Variants in NOX4 observed in about 807,000 individuals in gnomAD.
The protein encoded by NOX4 is NADPH oxidase 4.
NOX4 carries 69 observed loss-of-function variants against 87.6 expected under a neutral mutation model. The observed-to-expected ratio is 0.79, with a 90% CI of 0.65 to 0.96. The LOEUF (loss-of-function observed/expected upper bound fraction) is 0.96, where lower values mean the gene tolerates loss of function less well. NOX4 is among the 40% of genes least tolerant of loss of function. The probability of loss-of-function intolerance (pLI) is 0.00; values close to 1 mark genes in which losing one functional copy is unlikely to be tolerated. For missense variants in NOX4, 680 were observed against 681.5 expected (o/e 1.00, Z 0.02); for synonymous variants, 275 against 238.2 (o/e 1.15, Z -1.42).
At chr11:89,523,291 G>T in the NOX4 span, among the ~76,000 whole-genome samples, 2 of 152,088 alleles carry the variant, frequency 1.3e-5, no homozygotes, top group Non-Finnish European at 2.9e-5. Flanking sequence ...CAAAATGCTG[G>T]GATTACAGGC....
chr11:89,505,704 T>C, the NOX4 span, among the ~76,000 whole-genome samples: 14 of 151,988 alleles, frequency 9.2e-5, no homozygotes, highest in East Asian at 2.5e-3. Context: ...GCTGGATAAT[T>C]TGCTAGTGTA....
chr11:89,349,928 C>A (rs1946386617), intron 13 of NOX4, among the ~76,000 whole-genome samples: 1 of 152,184 alleles, frequency 6.6e-6, no homozygotes, highest in Non-Finnish European at 1.5e-5. Context: ...ACTCTCTAGT[C>A]TACATGTTAT....
chr11:89,555,318 C>CCA, the NOX4 span, among the ~76,000 whole-genome samples: 9 of 151,832 alleles, frequency 5.9e-5, no homozygotes, highest in Admixed American at 2.0e-4. Context: ...GACCTCATCT[C>CCA]CACACACACA....
chr11:89,460,078 T>G (rs560537734), intron 2 of NOX4, among the ~76,000 whole-genome samples: 1 of 152,310 alleles, frequency 6.6e-6, no homozygotes, highest in Admixed American at 6.5e-5. Flanking sequence ...GCCTATTTAA[T>G]AAATGGTGTT....
At chr11:89,448,970 C>T (rs1024589164) in intron 4 of NOX4, among the ~76,000 whole-genome samples, 1 of 152,134 alleles carries the variant, frequency 6.6e-6, no homozygotes, top group African/African-American at 2.4e-5. Context: ...CTGTTTCTTC[C>T]AGTATTTCTT....
intron 17 of NOX4, among the ~76,000 whole-genome samples, chr11:89,328,353 T>C (rs1162724587): frequency 6.6e-6 from 1 of 152,114 alleles, no homozygotes; most frequent in Non-Finnish European, 1.5e-5. Flanking sequence ...GTCCTATAAA[T>C]ACAGGGCAAT....
chr11:89,360,115 C>G (rs1453683505), intron 12 of NOX4, among the ~76,000 whole-genome samples: 1 of 151,898 alleles, frequency 6.6e-6, no homozygotes, highest in Non-Finnish European at 1.5e-5. Flanking sequence ...GTACTTCATA[C>G]CCCAAAAAGG....
At chr11:89,450,082 G>A (rs1049224835) in intron 3 of NOX4, among the ~76,000 whole-genome samples, 2 of 152,082 alleles carry the variant, frequency 1.3e-5, no homozygotes, top group Non-Finnish European at 2.9e-5. Flanking sequence ...CACACTCGGG[G>A]CAAATCTTTA....
the NOX4 span, among the ~76,000 whole-genome samples, chr11:89,587,470 G>C: frequency 7.4e-6 from 1 of 135,984 alleles, no homozygotes; most frequent in South Asian, 2.3e-4. Flanking sequence ...TGGAACAAAG[G>C]TGGGAGAGGG....
the NOX4 span, among the ~76,000 whole-genome samples, chr11:89,554,488 T>C: frequency 6.6e-6 from 1 of 152,256 alleles, no homozygotes; most frequent in Admixed American, 6.6e-5. Context: ...TCTGAGATCT[T>C]TTATTTTCAC....
At chr11:89,355,454 AT>A (rs918002668) in intron 12 of NOX4, among the ~76,000 whole-genome samples, 217 of 147,752 alleles carry the variant, frequency 1.5e-3, no homozygotes, top group African/African-American at 5.0e-3. Context: ...ATAAAAATAT[AT>A]TTTTTTTCCT....
At chr11:89,450,492 G>A (rs1944908675) in intron 3 of NOX4, among the ~76,000 whole-genome samples, 1 of 152,084 alleles carries the variant, frequency 6.6e-6, no homozygotes, top group East Asian at 1.9e-4. Context: ...AAGAATTTTT[G>A]TTGATTAGCA....
At chr11:89,543,095 G>A in the NOX4 span, among the ~76,000 whole-genome samples, 2 of 152,136 alleles carry the variant, frequency 1.3e-5, no homozygotes, top group Non-Finnish European at 2.9e-5. Context: ...GTGATAGGAT[G>A]AAAGCAATGT....
At chr11:89,538,568 T>A in the NOX4 span, among the ~76,000 whole-genome samples, 3 of 152,160 alleles carry the variant, frequency 2.0e-5, no homozygotes, top group East Asian at 3.9e-4. Context: ...TTAAATGAAT[T>A]TGGAACACTT....
At chr11:89,447,362 T>A (rs891785551) in intron 4 of NOX4, among the ~76,000 whole-genome samples, 27 of 152,058 alleles carry the variant, frequency 1.8e-4, no homozygotes, top group Non-Finnish European at 3.5e-4. Context: ...TGAAAAAAAA[T>A]TTGTAGGTAA....
chr11:89,421,259 G>T (rs1296053038), intron 8 of NOX4, among the ~76,000 whole-genome samples: 1 of 152,086 alleles, frequency 6.6e-6, no homozygotes, highest in African/African-American at 2.4e-5. Context: ...ACATATGCAT[G>T]TACAAAAATA....
intron 2 of NOX4, among the ~76,000 whole-genome samples, chr11:89,471,911 T>A (rs1227904546): frequency 6.6e-6 from 1 of 152,158 alleles, no homozygotes; most frequent in Non-Finnish European, 1.5e-5. Context: ...CCTGCTAATT[T>A]CTTGTGTTTT....
chr11:89,493,357 C>G (rs1013599516), upstream of NOX4, among the ~76,000 whole-genome samples: 1 of 151,566 alleles, frequency 6.6e-6, no homozygotes, highest in Non-Finnish European at 1.5e-5. Context: ...TGCACCCAAC[C>G]CAGCCTGTGC....
chr11:89,348,328 C>A (rs540568803), intron 13 of NOX4, among the ~76,000 whole-genome samples: 2 of 151,914 alleles, frequency 1.3e-5, no homozygotes, highest in Non-Finnish European at 2.9e-5. Flanking sequence ...GGCACGAAAA[C>A]TTCTTGAATC....
Sources: allele counts gnomAD v4.1 joint callset (sites outside exome capture counted in the v4.1 genomes callset), GRCh38; gene constraint gnomAD v4.1.1; transcripts MANE v1.5; gene names NCBI Gene and HGNC (gene_info 2026-07-23, HGNC 2026-07-21).